The following ADGRA3 variants were observed in gnomAD, a reference collection of about 807,000 sequenced individuals.
ADGRA3 encodes the protein G-protein coupled receptor 125.
A neutral mutation model predicts 119.8 loss-of-function variants in ADGRA3; 56 were observed. The ratio of observed to expected loss-of-function variants is 0.47; its 90% confidence interval spans 0.38 to 0.58. ADGRA3 has a LOEUF of 0.58. Ranked by LOEUF, ADGRA3 falls within the 20% of genes least tolerant of loss-of-function variation. The pLI is 0.00. For missense variants in ADGRA3, 1,516 were observed against 1,649.0 expected, an observed-to-expected ratio of 0.92 and a Z score of 1.40; for synonymous variants, 607 against 623.8, an observed-to-expected ratio of 0.97 and a Z score of 0.40.
chr4:22,451,773 CAGTGATCCACTCTAGAAT>C lies in ADGRA3; in HGVS notation c.473+3075_473+3092del, dbSNP rs547100668. On this transcript the variant is annotated intron_variant, in intron 4 of 18. Transcript: ENST00000334304. ...GAGTTACCAGAGGAAACGGCTAGAA[CAGTGATCCACTCTAGAAT>C]TCCTTCTTTTTGTATACCTTCTCTT... Among the ~76,000 whole-genome samples the C allele has an allele frequency of 6.0e-4, 92 of 152,314 alleles. 1 individual carries two copies. The East Asian group carries it at 0.018, about 29-fold the overall frequency.
chr4:22,489,607 G>T (rs1718553552), intron 1 of ADGRA3, among the ~76,000 whole-genome samples: 1 of 152,188 alleles, frequency 6.6e-6, no homozygotes, highest in Non-Finnish European at 1.5e-5. Flanking sequence ...TGATGAAAAA[G>T]ATGCATAGCT....
At chr4:22,432,442 C>A (rs1716222015) in intron 10 of ADGRA3, among the ~76,000 whole-genome samples, 1 of 151,678 alleles carries the variant, frequency 6.6e-6, no homozygotes, top group South Asian at 2.1e-4. Flanking sequence ...AAAAAGAATA[C>A]AAAATAATCA....
At chr4:22,497,851 G>T (rs563883305) in intron 1 of ADGRA3, among the ~76,000 whole-genome samples, 2 of 151,580 alleles carry the variant, frequency 1.3e-5, no homozygotes, top group South Asian at 2.1e-4. Context: ...AGGCTGAGGT[G>T]GGGGATTGTT....
chr4:22,495,458 A>G (rs1718783575), intron 1 of ADGRA3, among the ~76,000 whole-genome samples: 1 of 152,080 alleles, frequency 6.6e-6, no homozygotes, highest in African/African-American at 2.4e-5. Flanking sequence ...CATTTAACTG[A>G]AACCACAGAA....
chr4:22,436,753 C>T (rs774330644), intron 8 of ADGRA3, 112 bp from the exon 9 acceptor site: 1 of 844,734 alleles, frequency 1.2e-6, no homozygotes, highest in Non-Finnish European at 1.9e-6. Context: ...CAATACAACC[C>T]TGACACGGGT....
intron 1 of ADGRA3, among the ~76,000 whole-genome samples, chr4:22,484,060 T>C (rs984138309): frequency 1.2e-4 from 18 of 152,212 alleles, no homozygotes; most frequent in African/African-American, 4.1e-4. Flanking sequence ...AATTATATTA[T>C]CACAACCTAA....
chr4:22,415,707 C>T (rs1392596), intron 12 of ADGRA3, among the ~76,000 whole-genome samples: 27,645 of 151,714 alleles, frequency 0.18, 4,083 homozygotes, highest in East Asian at 0.39. Flanking sequence ...GTATTAGTAA[C>T]GATAAATCAA....
intron 1 of ADGRA3, 104 bp from the exon 2 acceptor site, chr4:22,473,947 T>C (rs2109121696): frequency 1.6e-6 from 1 of 618,662 alleles, no homozygotes; most frequent in Non-Finnish European, 2.7e-6. Flanking sequence ...AAGACATCAT[T>C]TATTAGCCAG....
chr4:22,470,734 A>G (rs1169515460), intron 2 of ADGRA3, among the ~76,000 whole-genome samples: 1 of 152,200 alleles, frequency 6.6e-6, no homozygotes, highest in African/African-American at 2.4e-5. Context: ...CTCCCAGACA[A>G]GGGTGAAAAT....
chr4:22,438,176 A>G, intron 8 of ADGRA3, 80 bp downstream of exon 8: 1 of 1,208,122 alleles, frequency 8.3e-7, no homozygotes, highest in Non-Finnish European at 1.2e-6. Context: ...TACTCAGGAC[A>G]GGAAACCAAT....
At chr4:22,511,537 T>A (rs934700100) in intron 1 of ADGRA3, among the ~76,000 whole-genome samples, 27 of 152,152 alleles carry the variant, frequency 1.8e-4, no homozygotes, top group Admixed American at 1.8e-3. Context: ...AATGGCTTTA[T>A]TTTTCATGAT....
chr4:22,481,648 A>G (rs1718264379), intron 1 of ADGRA3, among the ~76,000 whole-genome samples: 1 of 152,206 alleles, frequency 6.6e-6, no homozygotes, highest in South Asian at 2.1e-4. Context: ...ACGTGTACAA[A>G]GGATTTCCTC....
chr4:22,505,245 T>C (rs1447820159), intron 1 of ADGRA3, among the ~76,000 whole-genome samples: 1 of 151,966 alleles, frequency 6.6e-6, no homozygotes, highest in Non-Finnish European at 1.5e-5. Flanking sequence ...CAGTGGGACA[T>C]GGGAAAAAAA....
At chr4:22,390,175 T>C (rs1171903839) in intron 17 of ADGRA3, among the ~76,000 whole-genome samples, 2 of 151,762 alleles carry the variant, frequency 1.3e-5, no homozygotes, top group South Asian at 2.1e-4. Flanking sequence ...GAAAAGAAAG[T>C]ATTATTTCCA....
intron 1 of ADGRA3, among the ~76,000 whole-genome samples, chr4:22,484,634 TTGTACTAAAATGATACCA>T (rs1325958873): frequency 6.7e-6 from 1 of 149,440 alleles, no homozygotes; most frequent in Non-Finnish European, 1.5e-5. Flanking sequence ...GTAAGCAGCT[TTGTACTAAAATGATACCA>T]TGCAGAATAC....
chr4:22,508,633 C>A (rs1369221692), intron 1 of ADGRA3, among the ~76,000 whole-genome samples: 2 of 152,190 alleles, frequency 1.3e-5, no homozygotes, highest in Admixed American at 6.5e-5. Flanking sequence ...TGCTGGCCTA[C>A]AGATTATAAT....
chr4:22,410,620 C>T (rs1715152553), intron 14 of ADGRA3, among the ~76,000 whole-genome samples: 1 of 152,030 alleles, frequency 6.6e-6, no homozygotes, highest in Non-Finnish European at 1.5e-5. Context: ...AGGATTTTAT[C>T]AATTTTTAAA....
chr4:22,487,923 CAA>C (rs1718490371), intron 1 of ADGRA3, among the ~76,000 whole-genome samples: 1 of 152,088 alleles, frequency 6.6e-6, no homozygotes, highest in African/African-American at 2.4e-5. Context: ...AAGCAAAAGG[CAA>C]AAGTGTGGCG....
intron 10 of ADGRA3, among the ~76,000 whole-genome samples, chr4:22,425,879 C>G (rs995567418): frequency 2.6e-5 from 4 of 152,160 alleles, no homozygotes; most frequent in African/African-American, 9.7e-5. Flanking sequence ...GTGAAGCAAC[C>G]ACAGTAAATA....
Sources: allele counts gnomAD v4.1 joint callset (sites outside exome capture counted in the v4.1 genomes callset), GRCh38; gene constraint gnomAD v4.1.1; transcripts MANE v1.5; gene names NCBI Gene and HGNC (gene_info 2026-07-23, HGNC 2026-07-21).